CDC37: variants seen among roughly 807,000 people sequenced by gnomAD.
CDC37 encodes cell division cycle 37, HSP90 cochaperone.
In CDC37, 9 loss-of-function variants were observed where a neutral mutation model predicts 46.9. The observed-to-expected ratio is 0.19, with a 90% CI of 0.12 to 0.33. The LOEUF (loss-of-function observed/expected upper bound fraction) is 0.33, where lower values mean the gene tolerates loss of function less well. Among genes scored for constraint, CDC37 ranks in the 10% least tolerant of loss-of-function variants. CDC37 has a pLI of 1.00. For synonymous variants in CDC37, 193 were observed against 191.0 expected (o/e 1.01, Z -0.09); for missense variants, 388 against 514.6 (o/e 0.75, Z 2.38).
intron 5 of CDC37, among the ~76,000 whole-genome samples, chr19:10,394,149 A>G (rs945410352): frequency 6.6e-6 from 1 of 152,156 alleles, no homozygotes; most frequent in African/African-American, 2.4e-5. Flanking sequence ...CTGTAATCCC[A>G]GCTACTTGGG....
chr19:10,395,901 A>T, intron 2 of CDC37, 27 bp downstream of exon 2: 2 of 1,593,070 alleles, frequency 1.3e-6, no homozygotes, highest in Non-Finnish European at 1.7e-6. Flanking sequence ...GCGCATGCGC[A>T]CTGCCCGCCC....
chr19:10,393,358 G>A lies in CDC37; in HGVS notation c.810C>T (p.Arg270=). ...CGTACTCCTTCATGGCCTTCTCGAT[G>A]CGCAGCTTGGCACGGCCCCGCACAC... The part of the protein sequence containing the change: ...KERVRGRAKL[R]IEKAMKEYEE... The change falls in exon 6 of 8, where the codon CGC becomes CGT. Residue 270 remains arginine, a synonymous_variant. Transcript: ENST00000222005. This position sits in a 1 kb window ranked among gnomAD's most constrained non-coding sequence, Gnocchi z 4.9. 1.9e-6 allele frequency: 3 copies of A among 1,614,110 alleles called. No homozygotes were observed. The highest frequency in any genetic ancestry group is 2.5e-6 in the Non-Finnish European group (3 of 1,180,006).
chr19:10,395,011 G>A lies in CDC37; in HGVS notation c.726+10C>T. On this transcript the variant is annotated intron_variant, in intron 5 of 7. Transcript: ENST00000222005. ...GGGCCTCCAGCCACCTGGCAGCTCA[G>A]GGACCCTACCTTAATCTTAGTGAAG... 1 of 1,514,842 alleles carries A rather than the reference G, an allele frequency of 6.6e-7. No homozygotes were observed. Among genetic ancestry groups the A allele is most frequent in the Non-Finnish European group, 8.8e-7 (1 of 1,133,562 alleles). 93.8% of individuals were successfully genotyped at this position (1,514,842 alleles called of 1,614,324 possible).
chr19:10,402,623 T>C (rs529132073), intron 1 of CDC37, among the ~76,000 whole-genome samples: 1 of 152,172 alleles, frequency 6.6e-6, no homozygotes, highest in Admixed American at 6.5e-5. Flanking sequence ...CAGGATTTCC[T>C]GGTATAATGG....
chr19:10,391,593 T>C lies in CDC37; in HGVS notation c.1095A>G (p.Glu365=). 6.2e-7 allele frequency: 1 copy of C among 1,614,204 alleles called. No homozygotes were observed. The highest frequency in any genetic ancestry group is 8.5e-7 in the Non-Finnish European group (1 of 1,180,024). The part of the protein sequence containing the change: ...EEAGPGDPLL[E]AVPKTGDEKD... Reference sequence around the variant, plus strand: ...TCTCATCGCCCGTCTTGGGAACAGCTTCCAGTAATGGGTCCCCAGGACCTG... The same window carrying C: ...TCTCATCGCCCGTCTTGGGAACAGCCTCCAGTAATGGGTCCCCAGGACCTG... The change falls in exon 8 of 8, where the codon GAA becomes GAG. Residue 365 remains glutamate (E), a synonymous_variant. Transcript: ENST00000222005.
chr19:10,399,702 C>A (rs890415640), intron 1 of CDC37, among the ~76,000 whole-genome samples: 32 of 150,714 alleles, frequency 2.1e-4, no homozygotes, highest in Middle Eastern at 7.0e-3. Context: ...GGAGGCCAGG[C>A]GGGCAGATCA....
chr19:10,391,386 A>G lies in CDC37; in HGVS notation c.*165T>C. Reference sequence around the variant, plus strand: ...AAGCAGAGACTTGAATGGGCGCTGGAGAGTGGAGACAGTGGAGAGGCCAGG... The same window carrying G: ...AAGCAGAGACTTGAATGGGCGCTGGGGAGTGGAGACAGTGGAGAGGCCAGG... On this transcript the variant is annotated 3_prime_UTR_variant, in exon 8 of 8. Coordinates refer to ENST00000222005, the MANE Select transcript of CDC37 (RefSeq NM_007065.4). The G allele has an allele frequency of 1.3e-6, 1 of 758,550 alleles. No individual in the cohort carries two copies. The highest frequency in any genetic ancestry group is 2.3e-6 in the Non-Finnish European group (1 of 442,004). 47.0% of individuals were successfully genotyped at this position (758,550 alleles called of 1,614,324 possible). A position where few individuals can be genotyped will look rare whatever the true frequency, so the allele number is the denominator to read the frequency against.
intron 2 of CDC37, 124 bp downstream of exon 2, chr19:10,395,804 C>G: frequency 9.9e-7 from 1 of 1,007,760 alleles, no homozygotes; most frequent in Non-Finnish European, 1.4e-6. Context: ...CTCCCCGCCC[C>G]CCACCACACT....
intron 1 of CDC37, among the ~76,000 whole-genome samples, chr19:10,402,157 CAAAAAAAAAAAA>C (rs753021871): frequency 6.3e-5 from 4 of 63,838 alleles, no homozygotes; most frequent in Admixed American, 5.8e-4. Flanking sequence ...AACTTCGTCT[CAAAAAAAAAAAA>C]AAAAAAAAAA....
intron 4 of CDC37, 42 bp from the exon 5 acceptor site, chr19:10,395,185 C>T: frequency 6.2e-7 from 1 of 1,612,280 alleles, no homozygotes; most frequent in Non-Finnish European, 8.5e-7. Context: ...GTGGCGGCCT[C>T]ATGGCAGCGC....
In CDC37 at chr19:10,396,269, A is replaced by G. The variant is rs969861119; in HGVS notation, c.103-66T>C. 12 of 1,518,900 alleles carry G rather than the reference A, an allele frequency of 7.9e-6. No individual in the cohort carries two copies. The African/African-American group carries it at 1.2e-4, about 16-fold the overall frequency. The allele number at this position is 1,518,900 out of a possible 1,614,324, so 94.1% of individuals were successfully genotyped here. The stretch of plus-strand genomic sequence containing the variant: ...GTCCCTTACCCCCGCCCCATACCCA[A>G]TCCCTGCACCGGAGATGGCCCCAGG... On this transcript the variant is annotated intron_variant, in intron 1 of 7. Transcript: ENST00000222005. This position sits in a 1 kb window ranked among gnomAD's most constrained non-coding sequence, Gnocchi z 5.9.
At chr19:10,395,192 G>A in intron 4 of CDC37, 36 bp downstream of exon 4, 3 of 1,613,152 alleles carry the variant, frequency 1.9e-6, no homozygotes, top group Non-Finnish European at 1.7e-6. Context: ...CCTCATGGCA[G>A]CGCCTTTTCA....
At chr19:10,402,532 C>T (rs113370401) in intron 1 of CDC37, among the ~76,000 whole-genome samples, 1,553 of 152,108 alleles carry the variant, frequency 0.01, 22 homozygotes, top group South Asian at 0.038. Context: ...ATACAGGAAG[C>T]CAGTCTGGGA....
chr19:10,403,179 T>G (rs2042529066), intron 1 of CDC37, among the ~76,000 whole-genome samples, 199 bp downstream of exon 1: 1 of 148,630 alleles, frequency 6.7e-6, no homozygotes. Flanking sequence ...GAGCAGGGAG[T>G]GGGGGAGCGG....
intron 1 of CDC37, among the ~76,000 whole-genome samples, chr19:10,399,272 C>T (rs2042506160): frequency 6.6e-6 from 1 of 151,656 alleles, no homozygotes; most frequent in African/African-American, 2.4e-5. Context: ...AGTTTGAAAC[C>T]AGCCTGGCCA....
intron 2 of CDC37, 57 bp from the exon 3 acceptor site, chr19:10,395,600 G>A (rs931126458): frequency 5.9e-6 from 8 of 1,349,710 alleles, no homozygotes; most frequent in Non-Finnish European, 8.5e-6. Context: ...CGCCTCGAGC[G>A]CGGCCGGGCG....
intron 1 of CDC37, 62 bp downstream of exon 1, chr19:10,403,316 G>A (rs2042530179): frequency 7.9e-7 from 1 of 1,270,752 alleles, no homozygotes; most frequent in Non-Finnish European, 1.1e-6. Context: ...GGGCAGTATC[G>A]GGGATCACAA....
intron 7 of CDC37, chr19:10,392,828 A>G (rs2042464847): frequency 1.8e-6 from 1 of 557,512 alleles, no homozygotes; most frequent in Non-Finnish European, 3.2e-6. Flanking sequence ...TGGATAAGGA[A>G]ACTGAGGCTG....
intron 1 of CDC37, 110 bp downstream of exon 1, chr19:10,403,268 G>A (rs1001621897): frequency 4.3e-5 from 34 of 782,164 alleles, no homozygotes; most frequent in African/African-American, 4.1e-4. Flanking sequence ...ATCCAGACTG[G>A]GGGGGTGAGA....
Sources: allele counts gnomAD v4.1 joint callset (sites outside exome capture counted in the v4.1 genomes callset), GRCh38; gene constraint gnomAD v4.1.1; non-coding constraint Gnocchi (gnomAD v3.1); transcripts MANE v1.5; gene names NCBI Gene and HGNC (gene_info 2026-07-23, HGNC 2026-07-21).